The following ZFHX4 variants were observed in gnomAD, a reference collection of about 807,000 sequenced individuals.
ZFHX4 encodes the protein zinc finger homeobox 4.
Under a neutral mutation model 267.6 loss-of-function variants are expected in ZFHX4, and 56 were observed. The ratio of observed to expected loss-of-function variants is 0.21; its 90% CI spans 0.17 to 0.26. The LOEUF (loss-of-function observed/expected upper bound fraction) is 0.26, where lower values mean the gene tolerates loss of function less well. Ranked by LOEUF, ZFHX4 falls within the 10% of genes least tolerant of loss-of-function variation. ZFHX4 has a pLI of 1.00. For missense variants in ZFHX4, 4,332 were observed against 4,420.0 expected, an observed-to-expected ratio of 0.98 and a Z score of 0.56; for synonymous variants, 1,778 against 1,665.6, an observed-to-expected ratio of 1.07 and a Z score of -1.64.
intron 10 of ZFHX4, among the ~76,000 whole-genome samples, chr8:76,859,258 A>G (rs1812807816): frequency 6.6e-6 from 1 of 152,174 alleles, no homozygotes; most frequent in Non-Finnish European, 1.5e-5. Flanking sequence ...GGTAATATTC[A>G]TCATGTATGC....
rs201163377 is a variant in ZFHX4 at position 76,705,136 on chromosome 8, A to G, written c.1048A>G (p.Thr350Ala). The change falls in exon 2 of 11, where the codon ACT (threonine) becomes GCT (alanine). Residue 350 changes from threonine (T) to alanine (A), a missense_variant. Physicochemically the swap from Thr to Ala is moderately conservative, Grantham distance 58. Coordinates refer to ENST00000651372, the MANE Select transcript of ZFHX4 (RefSeq NM_024721.5). ...KSTSVYPHFS[T>A]TNLIGPDPTF... ...CACTTCTGTTTATCCCCATTTTTCT[A>G]CTACAAACCTCATAGGACCCGATCC... The G allele has an allele frequency of 3.1e-6, 5 of 1,613,286 alleles. No individual in the cohort carries two copies. Among genetic ancestry groups the G allele is most frequent in the Non-Finnish European group, 4.2e-6 (5 of 1,179,746 alleles).
chr8:76,724,833 C>T (rs1246452121), intron 3 of ZFHX4, among the ~76,000 whole-genome samples: 1 of 152,056 alleles, frequency 6.6e-6, no homozygotes, highest in South Asian at 2.1e-4. Flanking sequence ...CTTCCACAGG[C>T]CCACTGGGTT....
intron 5 of ZFHX4, among the ~76,000 whole-genome samples, chr8:76,839,892 G>C (rs1729433257): frequency 6.6e-6 from 1 of 152,134 alleles, no homozygotes; most frequent in Admixed American, 6.6e-5. Flanking sequence ...TCCAGAGAAA[G>C]TGGTTTCTCC....
At chr8:76,803,261 T>C (rs971438127) in intron 4 of ZFHX4, among the ~76,000 whole-genome samples, 4 of 151,214 alleles carry the variant, frequency 2.6e-5, no homozygotes, top group African/African-American at 4.9e-5. Flanking sequence ...TGCGCGTGTG[T>C]GCGTGTGTGT....
chr8:76,797,234 T>C (rs1404236797), intron 4 of ZFHX4, among the ~76,000 whole-genome samples: 2 of 152,206 alleles, frequency 1.3e-5, no homozygotes, highest in African/African-American at 4.8e-5. Flanking sequence ...CACTAATACA[T>C]GAATTTGGAT....
chr8:76,748,885 G>A (rs189177655), intron 3 of ZFHX4, among the ~76,000 whole-genome samples: 69 of 152,152 alleles, frequency 4.5e-4, no homozygotes, highest in African/African-American at 1.5e-3. Flanking sequence ...AATCCCAGTC[G>A]TTCCCCATTT....
At position 76,849,535 on chromosome 8, in the gene ZFHX4, C is replaced by T. The variant is rs1366122186; in HGVS notation, c.3669C>T (p.Asn1223=). ...AGTTCTATCAATGTCCTTATTGTAA[C>T]TACAATAGTAGGGACCAAAGTCGTA... The part of the protein sequence containing the change: ...HEQFYQCPYC[N]YNSRDQSRIQ... Residue 1223 remains asparagine, a synonymous_variant, in exon 8 of 11, where the codon AAC becomes AAT. Coordinates refer to ENST00000651372, the MANE Select transcript of ZFHX4 (RefSeq NM_024721.5). 1.2e-6 allele frequency: 2 copies of T among 1,613,650 alleles called. No homozygotes were observed. The highest frequency in any genetic ancestry group is 1.7e-5 in the Admixed American group (1 of 60,020).
In ZFHX4 at chr8:76,715,164, T is replaced by G. The variant is rs139488556; in HGVS notation, c.3093+7116T>G. 5.9e-5 allele frequency among the ~76,000 whole-genome samples: 9 copies of G among 152,298 alleles called. No individual in the cohort carries two copies. In the East Asian group the frequency reaches 1.7e-3, roughly 29 times the overall value. ...TCAAACATGAGGATGTTGCTACTAATGCATCTCCTAGAATATGAAGAAGAA... is the reference window on the plus strand; with the variant it reads ...TCAAACATGAGGATGTTGCTACTAAGGCATCTCCTAGAATATGAAGAAGAA... On this transcript the variant is annotated intron_variant, in intron 3 of 10. Transcript: ENST00000651372.
chr8:76,784,554 G>A (rs993831610), intron 4 of ZFHX4, among the ~76,000 whole-genome samples: 4 of 151,974 alleles, frequency 2.6e-5, no homozygotes, highest in East Asian at 3.9e-4. Flanking sequence ...CTCACACAAT[G>A]GAATAGATAC....
chr8:76,689,639 G>C (rs546472858), intron 1 of ZFHX4, among the ~76,000 whole-genome samples: 19 of 152,050 alleles, frequency 1.2e-4, no homozygotes, highest in Non-Finnish European at 2.6e-4. Context: ...TGCTGGACTT[G>C]ATGTTCTGTT....
rs559720402 is a variant in ZFHX4 at position 76,860,156 on chromosome 8, G to T, written c.9380-2938G>T. ...CTCTATTTCTGGTTTTCTGGCTACT[G>T]ATATTTTTACTGCAAATTTTTATAG... On this transcript the variant is annotated intron_variant, in intron 10 of 10. Transcript: ENST00000651372. Among the ~76,000 whole-genome samples, 8 of 152,138 alleles carry T rather than the reference G, an allele frequency of 5.3e-5. 1 individual carries two copies. Among genetic ancestry groups the T allele is most frequent in the African/African-American group, 1.9e-4 (8 of 41,524 alleles).
intron 4 of ZFHX4, among the ~76,000 whole-genome samples, chr8:76,795,841 T>A (rs1810968024): frequency 6.6e-6 from 1 of 152,166 alleles, no homozygotes; most frequent in Non-Finnish European, 1.5e-5. Flanking sequence ...CACAGCTTAT[T>A]GAATATTTGC....
intron 3 of ZFHX4, among the ~76,000 whole-genome samples, chr8:76,757,575 G>T (rs1385371696): frequency 3.3e-5 from 5 of 152,178 alleles, no homozygotes. Context: ...TTATGCCCAG[G>T]TCTGTTCCAT....
intron 4 of ZFHX4, among the ~76,000 whole-genome samples, chr8:76,825,568 T>G (rs1811762735): frequency 6.6e-6 from 1 of 152,204 alleles, no homozygotes; most frequent in Non-Finnish European, 1.5e-5. Context: ...CTTTGCTTGC[T>G]CAAACTGCTC....
At chr8:76,764,242 C>A (rs1809994754) in intron 3 of ZFHX4, among the ~76,000 whole-genome samples, 1 of 152,094 alleles carries the variant, frequency 6.6e-6, no homozygotes, top group African/African-American at 2.4e-5. Flanking sequence ...GGAGAGATGA[C>A]TAATTGAGAT....
chr8:76,719,188 A>AAG (rs1269555128), intron 3 of ZFHX4, among the ~76,000 whole-genome samples: 3 of 117,068 alleles, frequency 2.6e-5, no homozygotes, highest in African/African-American at 9.8e-5. Context: ...GTGTGTGTGT[A>AAG]AGAGAGAGGG....
At chr8:76,716,896 A>G (rs1025943862) in intron 3 of ZFHX4, among the ~76,000 whole-genome samples, 12 of 152,192 alleles carry the variant, frequency 7.9e-5, no homozygotes, top group Non-Finnish European at 1.8e-4. Context: ...TATCACTTCT[A>G]GTGCCTGAGC....
At chr8:76,767,253 G>A (rs1052756504) in intron 3 of ZFHX4, among the ~76,000 whole-genome samples, 5 of 152,068 alleles carry the variant, frequency 3.3e-5, no homozygotes, top group Non-Finnish European at 4.4e-5. Context: ...GTATAAAAGC[G>A]CTTTAAACCA....
At chr8:76,729,543 T>C (rs1279103711) in intron 3 of ZFHX4, among the ~76,000 whole-genome samples, 1 of 152,188 alleles carries the variant, frequency 6.6e-6, no homozygotes, top group African/African-American at 2.4e-5. Flanking sequence ...TTCAGTGACA[T>C]ATTATTCCAA....
Sources: allele counts gnomAD v4.1 joint callset (sites outside exome capture counted in the v4.1 genomes callset), GRCh38; gene constraint gnomAD v4.1.1; transcripts MANE v1.5; gene names NCBI Gene and HGNC (gene_info 2026-07-23, HGNC 2026-07-21).